Variants in FHAD1 observed in about 807,000 individuals in gnomAD.
FHAD1 encodes the protein forkhead-associated domain-containing protein 1.
In FHAD1, 146 loss-of-function variants were observed where a neutral mutation model predicts 191.3. That is an observed-to-expected ratio of 0.76 (90% CI 0.67 to 0.88). FHAD1 has a LOEUF of 0.88. Ranked by LOEUF, FHAD1 falls within the 40% of genes least tolerant of loss-of-function variation. The pLI is 0.00. For missense variants in FHAD1, 1,635 were observed against 1,785.8 expected, an observed-to-expected ratio of 0.92 and a Z score of 1.52; for synonymous variants, 616 against 672.3, an observed-to-expected ratio of 0.92 and a Z score of 1.29.
rs942181469 is a variant in FHAD1 at position 15,327,018 on chromosome 1, C to T, written c.1474-41C>T. On this transcript the variant is annotated intron_variant, in intron 11 of 33. Transcript: ENST00000688493. This position sits in a 1 kb window ranked among gnomAD's most constrained non-coding sequence, Gnocchi z 5.1. ...GAAACGCTGCCCCCACTTGCCGGCC[C>T]CTGCTGACCCCCTGACACTGTTGCC... is the stretch of plus-strand genomic sequence containing the variant. 4 of 1,378,228 alleles carry T rather than the reference C, an allele frequency of 2.9e-6. No individual in the cohort carries two copies. The highest frequency in any genetic ancestry group is 2.5e-5 in the South Asian group (2 of 79,728). 85.4% of individuals were successfully genotyped at this position (1,378,228 alleles called of 1,614,324 possible). A position where few individuals can be genotyped will look rare whatever the true frequency, so the allele number is the denominator to read the frequency against.
chr1:15,237,671 A>G (rs1644927304), intron 1 of FHAD1, among the ~76,000 whole-genome samples: 1 of 152,204 alleles, frequency 6.6e-6, no homozygotes, highest in African/African-American at 2.4e-5. Context: ...TTTGAGACTT[A>G]AGTTTCAAAA....
At position 15,318,349 on chromosome 1, in the gene FHAD1, T is replaced by G. The variant is rs534671425; in HGVS notation, c.1365+421T>G. On this transcript the variant is annotated intron_variant, in intron 10 of 33. Transcript: ENST00000688493. This position sits in a 1 kb window ranked among gnomAD's most constrained non-coding sequence, Gnocchi z 4.1. Reference sequence around the variant, plus strand: ...ACTAACCGCGCATGGCTATTTACATTTAAATTAAAGCCGGTAGCTCACGCC... The same window carrying G: ...ACTAACCGCGCATGGCTATTTACATGTAAATTAAAGCCGGTAGCTCACGCC... 8.5e-5 allele frequency among the ~76,000 whole-genome samples: 13 copies of G among 152,316 alleles called. No homozygotes were observed. The East Asian group carries it at 2.5e-3, about 29-fold the overall frequency.
Position 15,308,651 on chromosome 1 carries a change from C to CCT in FHAD1, c.955_956insTC (p.Gln319LeufsTer14). The stretch of plus-strand genomic sequence containing the variant: ...AGAAAGGCTACAGCAAGGTGCTGTG[C>CCT]CAGACCCTGTCAGAGCGGAACTCAG... On this transcript the variant is annotated frameshift_variant, in exon 7 of 34. Transcript: ENST00000688493. LOFTEE classifies it high-confidence loss of function. 6.4e-7 allele frequency: 1 copy of CCT among 1,551,736 alleles called. No homozygotes were observed. The highest frequency in any genetic ancestry group is 8.7e-7 in the Non-Finnish European group (1 of 1,146,998).
chr1:15,296,198 G>T (rs1168721728), intron 4 of FHAD1, among the ~76,000 whole-genome samples: 1 of 151,668 alleles, frequency 6.6e-6, no homozygotes, highest in Non-Finnish European at 1.5e-5. Flanking sequence ...TCCCTTTCTA[G>T]TACTTCCGTG....
chr1:15,241,210 G>A (rs1418198458), intron 1 of FHAD1, among the ~76,000 whole-genome samples: 1 of 152,132 alleles, frequency 6.6e-6, no homozygotes, highest in Middle Eastern at 3.2e-3. Context: ...AATGGAATAC[G>A]ACAGAGCAAT....
In FHAD1 at chr1:15,329,861, G is replaced by T; in HGVS notation, c.1906+320G>T. 3.1e-6 allele frequency: 1 copy of T among 326,492 alleles called. No homozygotes were observed. Among genetic ancestry groups the T allele is most frequent in the Non-Finnish European group, 5.9e-6 (1 of 170,866 alleles). 20.2% of individuals were successfully genotyped at this position (326,492 alleles called of 1,614,324 possible). A position where few individuals can be genotyped will look rare whatever the true frequency, so the allele number is the denominator to read the frequency against. ...CCATGGAAATAACCGCGTGATTCCA[G>T]GCAAGTGACTTACCCTGTCTATGCC... is the stretch of plus-strand genomic sequence containing the variant. On this transcript the variant is annotated intron_variant, in intron 14 of 33. Coordinates refer to ENST00000688493, the MANE Select transcript of FHAD1 (RefSeq NM_001391957.1). The surrounding 1 kb of genome is among the most constrained non-coding windows in gnomAD (Gnocchi z 5.0).
chr1:15,369,969 T>C (rs1697615925), intron 26 of FHAD1, among the ~76,000 whole-genome samples: 2 of 152,312 alleles, frequency 1.3e-5, no homozygotes, highest in East Asian at 1.9e-4. Context: ...CATATATTTA[T>C]TTATTCATTC....
upstream of FHAD1, among the ~76,000 whole-genome samples, chr1:15,242,640 T>C (rs1402453005): frequency 3.3e-5 from 5 of 152,162 alleles, no homozygotes; most frequent in Non-Finnish European, 7.3e-5. Context: ...CTATCTCTTA[T>C]ATCCATATCC....
Position 15,329,456 on chromosome 1 carries a change from C to G in FHAD1, c.1821C>G (p.Asp607Glu). 1 of 1,551,296 alleles carries G rather than the reference C, an allele frequency of 6.4e-7. No individual in the cohort carries two copies. The highest frequency in any genetic ancestry group is 8.7e-7 in the Non-Finnish European group (1 of 1,146,976). The change falls in exon 14 of 34, where the codon GAC becomes GAG. Residue 607 changes from aspartate (D) to glutamate (E), a missense_variant. Coordinates refer to ENST00000688493, the MANE Select transcript of FHAD1 (RefSeq NM_001391957.1). This position sits in a 1 kb window ranked among gnomAD's most constrained non-coding sequence, Gnocchi z 5.0. ...PVSGLQKVVLDVLRHALSWLE... is the reference protein window; with the variant it reads ...PVSGLQKVVLEVLRHALSWLE... The stretch of plus-strand genomic sequence containing the variant: ...CGGGGCTCCAGAAGGTGGTGCTGGA[C>G]GTCCTGAGGCACGCGCTGTCCTGGC...
At chr1:15,359,421 G>T (rs1693936771) in intron 21 of FHAD1, among the ~76,000 whole-genome samples, 1 of 152,180 alleles carries the variant, frequency 6.6e-6, no homozygotes, top group Non-Finnish European at 1.5e-5. Context: ...ACAGGGTGAG[G>T]TGGGAGCAGA....
At chr1:15,398,390 A>G (rs537911365), downstream of FHAD1, among the ~76,000 whole-genome samples, 1 of 152,278 alleles carries the variant, frequency 6.6e-6, no homozygotes, top group East Asian at 1.9e-4. Context: ...TTCAAAACAC[A>G]TCTCATTTAA....
intron 2 of FHAD1, among the ~76,000 whole-genome samples, chr1:15,256,195 G>A (rs1173818615): frequency 1.3e-5 from 2 of 152,196 alleles, no homozygotes; most frequent in African/African-American, 4.8e-5. Flanking sequence ...CTTCCAGAAC[G>A]CAGCAATGTC....
chr1:15,348,572 A>G (rs578195297), intron 18 of FHAD1, among the ~76,000 whole-genome samples: 1 of 152,220 alleles, frequency 6.6e-6, no homozygotes, highest in Admixed American at 6.5e-5. Flanking sequence ...TTAGTCCAAC[A>G]TACTGCCCTT....
rs1179070164 is a variant in FHAD1, at chr1:15,391,222, G to C, written c.4282G>C (p.Val1428Leu). ...KEKDRQRRVF[V>L]EMVKNRMQNS... ...TTCTGTATTGAAGAGACGAGTATTT[G>C]TAGAGATGGTGAAGAACAGGATGCA... The change falls in exon 33 of 34, where the codon GTA (valine) becomes CTA (leucine). Residue 1428 changes from valine (V) to leucine (L), a missense_variant. Val to Leu is a conservative substitution (Grantham distance 32). Transcript: ENST00000688493. The C allele has an allele frequency of 7.8e-7, 1 of 1,287,890 alleles. No individual in the cohort carries two copies. Among genetic ancestry groups the C allele is most frequent in the African/African-American group, 1.5e-5 (1 of 65,948 alleles). The allele number at this position is 1,287,890 out of a possible 1,614,324, so 79.8% of individuals were successfully genotyped here.
At chr1:15,288,905 C>T (rs199911474) in intron 3 of FHAD1, among the ~76,000 whole-genome samples, 2 of 152,174 alleles carry the variant, frequency 1.3e-5, no homozygotes, top group East Asian at 1.9e-4. Flanking sequence ...GATCGTGTGC[C>T]GTGTGGTCCA....
rs1357770033 is a variant in FHAD1, at chr1:15,327,843, G to A, written c.1558-434G>A. On this transcript the variant is annotated intron_variant, in intron 12 of 33. Coordinates refer to ENST00000688493, the MANE Select transcript of FHAD1 (RefSeq NM_001391957.1). The surrounding 1 kb of genome is among the most constrained non-coding windows in gnomAD (Gnocchi z 5.1). ...CAGGTCGGGAGTTCGAAACCAGCCT[G>A]ACCAACATGGTAAAACCCCATCTCT... The A allele has an allele frequency of 6.6e-6, 1 of 152,384 alleles. No homozygotes were observed. Among genetic ancestry groups the A allele is most frequent in the African/African-American group, 2.4e-5 (1 of 41,398 alleles). The allele number at this position is 152,384 out of a possible 1,614,324, so 9.4% of individuals were successfully genotyped here. A position where few individuals can be genotyped will look rare whatever the true frequency, so the allele number is the denominator to read the frequency against.
At chr1:15,373,535 C>T (rs1698720133) in intron 26 of FHAD1, among the ~76,000 whole-genome samples, 1 of 151,384 alleles carries the variant, frequency 6.6e-6, no homozygotes, top group Non-Finnish European at 1.5e-5. Context: ...TGAAAAAGGC[C>T]TTTCTTTGTC....
At chr1:15,236,646 A>G (rs1381248445) in exon 1 of FHAD1, among the ~76,000 whole-genome samples, 1 of 152,244 alleles carries the variant, frequency 6.6e-6, no homozygotes, top group Non-Finnish European at 1.5e-5. Context: ...TTCTGGGACC[A>G]TTATACAGAG....
At chr1:15,401,917 G>A (rs1004569998), downstream of FHAD1, among the ~76,000 whole-genome samples, 12 of 152,178 alleles carry the variant, frequency 7.9e-5, no homozygotes, top group Admixed American at 7.2e-4. Flanking sequence ...TTATGTGCCT[G>A]CTTTTGTTTT....
Sources: gnomAD v4.1 joint callset for allele counts (sites outside exome capture counted in the v4.1 genomes callset) on GRCh38, gnomAD v4.1.1 for gene constraint, Gnocchi (gnomAD v3.1) non-coding constraint, MANE v1.5 for transcripts, NCBI Gene and HGNC (gene_info 2026-07-23, HGNC 2026-07-21) for gene names.